The following DNAI7 variants were observed in gnomAD, a reference collection of about 807,000 sequenced individuals.
DNAI7 encodes cancer susceptibility 1.
DNAI7 carries 78 observed loss-of-function variants against 86.6 expected under a neutral mutation model. The observed-to-expected ratio is 0.90, with a 90% CI of 0.75 to 1.09. DNAI7 has a LOEUF of 1.09. Among genes scored for constraint, DNAI7 ranks in the 50% least tolerant of loss-of-function variants. DNAI7 has a pLI of 0.00. For synonymous variants in DNAI7, 274 were observed against 273.0 expected, an observed-to-expected ratio of 1.00 and a Z score of -0.04; for missense variants, 753 against 810.2, an observed-to-expected ratio of 0.93 and a Z score of 0.86.
At chr12:25,111,970 T>G in intron 13 of DNAI7, 31 bp from the exon 14 acceptor site, 2 of 1,464,640 alleles carry the variant, frequency 1.4e-6, no homozygotes, top group Non-Finnish European at 1.9e-6. Context: ...GAAGCTTTTA[T>G]GTAAGTTAAA....
In DNAI7 at chr12:25,191,786, A is replaced by G. The variant is rs1950544263; in HGVS notation, c.4-1155T>C. ...CAGCAATGTGTTTTAAGGCAGATCT[A>G]TTCTTTTCTGGAAATTATTTTGGAA... On this transcript the variant is annotated intron_variant, in intron 1 of 15. Coordinates refer to ENST00000395987, the MANE Select transcript of DNAI7 (RefSeq NM_018272.5). Among the ~76,000 whole-genome samples the G allele has an allele frequency of 2.6e-5, 4 of 152,222 alleles. No homozygotes were observed. The South Asian group carries it at 8.3e-4, about 31-fold the overall frequency.
At chr12:25,144,956 A>G (rs1464848637) in intron 8 of DNAI7, among the ~76,000 whole-genome samples, 3 of 152,076 alleles carry the variant, frequency 2.0e-5, no homozygotes, top group African/African-American at 4.8e-5. Context: ...CAATGTTGAT[A>G]TTACTCAGTG....
chr12:25,172,142 G>A (rs540775192), intron 2 of DNAI7, among the ~76,000 whole-genome samples: 1 of 152,000 alleles, frequency 6.6e-6, no homozygotes, highest in Non-Finnish European at 1.5e-5. Flanking sequence ...AGAAATAAAG[G>A]GCATCCAAAT....
At chr12:25,130,793 A>T (rs1204676311) in intron 9 of DNAI7, among the ~76,000 whole-genome samples, 1 of 152,118 alleles carries the variant, frequency 6.6e-6, no homozygotes, top group African/African-American at 2.4e-5. Context: ...AGTTTGCATG[A>T]TATAGTAATT....
chr12:25,188,418 G>A (rs76173563), intron 2 of DNAI7, among the ~76,000 whole-genome samples: 1 of 152,012 alleles, frequency 6.6e-6, no homozygotes, highest in Non-Finnish European at 1.5e-5. Flanking sequence ...TTTTAATTTT[G>A]TACCATGTGT....
intron 2 of DNAI7, among the ~76,000 whole-genome samples, chr12:25,163,377 C>G (rs1050089141): frequency 5.3e-5 from 8 of 152,292 alleles, no homozygotes; most frequent in African/African-American, 1.9e-4. Flanking sequence ...AATTCCTTCT[C>G]CTGGCTCATC....
chr12:25,193,304 G>T (rs963067801), intron 1 of DNAI7, among the ~76,000 whole-genome samples: 1 of 152,116 alleles, frequency 6.6e-6, no homozygotes, highest in East Asian at 1.9e-4. Context: ...AATATGATTT[G>T]TGTCCTTATA....
At chr12:25,143,983 C>A (rs895732028) in intron 9 of DNAI7, among the ~76,000 whole-genome samples, 1 of 152,024 alleles carries the variant, frequency 6.6e-6, no homozygotes, top group Admixed American at 6.5e-5. Flanking sequence ...TTATTTCTTA[C>A]AAAACCAAAA....
intron 9 of DNAI7, among the ~76,000 whole-genome samples, chr12:25,141,587 T>C (rs1212171762): frequency 3.9e-5 from 6 of 152,184 alleles, no homozygotes; most frequent in Admixed American, 1.3e-4. Context: ...TCCCAGCACT[T>C]TGGGAGGCCA....
At chr12:25,158,378 C>A in intron 4 of DNAI7, 94 bp downstream of exon 4, 1 of 925,754 alleles carries the variant, frequency 1.1e-6, no homozygotes, top group Non-Finnish European at 1.7e-6. Context: ...CTAAATATTA[C>A]TGGTAGCTAT....
chr12:25,115,795 C>T (rs897573541), intron 12 of DNAI7, among the ~76,000 whole-genome samples: 1 of 152,154 alleles, frequency 6.6e-6, no homozygotes, highest in Non-Finnish European at 1.5e-5. Context: ...AGCACTCAAC[C>T]CAGCAATTCC....
chr12:25,108,287 T>C (rs1035293156), downstream of DNAI7: 6 of 559,806 alleles, frequency 1.1e-5, no homozygotes, highest in African/African-American at 7.5e-5. Context: ...AGAAATATTA[T>C]ATATTGTTTG....
intron 9 of DNAI7, among the ~76,000 whole-genome samples, chr12:25,126,135 G>A (rs1362764617): frequency 6.6e-6 from 1 of 152,162 alleles, no homozygotes; most frequent in African/African-American, 2.4e-5. Flanking sequence ...TAATGTGAGT[G>A]AAAGTGAAAG....
intron 2 of DNAI7, among the ~76,000 whole-genome samples, chr12:25,187,452 T>C (rs780428234): frequency 5.9e-5 from 9 of 152,196 alleles, no homozygotes; most frequent in Admixed American, 2.6e-4. Context: ...AATTATATTA[T>C]TTATATTCCT....
chr12:25,120,001 C>T (rs1426461083), intron 11 of DNAI7, among the ~76,000 whole-genome samples: 4 of 152,064 alleles, frequency 2.6e-5, no homozygotes, highest in Non-Finnish European at 5.9e-5. Context: ...TGAAGGAGGA[C>T]TCTTTGGGTT....
chr12:25,164,504 C>G (rs936059987), intron 2 of DNAI7, among the ~76,000 whole-genome samples: 7 of 152,178 alleles, frequency 4.6e-5, no homozygotes, highest in Non-Finnish European at 8.8e-5. Flanking sequence ...AATGCCTTTT[C>G]TTCTGCAATC....
At chr12:25,135,623 T>C (rs542848493) in intron 9 of DNAI7, among the ~76,000 whole-genome samples, 3 of 152,272 alleles carry the variant, frequency 2.0e-5, no homozygotes, top group South Asian at 4.1e-4. Flanking sequence ...ATCTCAGCCC[T>C]ACTCACTGGT....
At chr12:25,149,517 T>C (rs1945248545) in intron 7 of DNAI7, 111 bp downstream of exon 7, 2 of 748,840 alleles carry the variant, frequency 2.7e-6, no homozygotes, top group Non-Finnish European at 4.4e-6. Flanking sequence ...ATTATTCTGC[T>C]AACTTTTCCA....
At position 25,161,076 on chromosome 12, in the gene DNAI7, C is replaced by T. The variant is rs149240314; in HGVS notation, c.106+37G>A. 7,957 of 1,464,220 alleles carry T rather than the reference C, an allele frequency of 5.4e-3. 57 individuals carry two copies. The highest frequency in any genetic ancestry group is 5.9e-3 in the Middle Eastern group (34 of 5,798). 90.7% of individuals were successfully genotyped at this position (1,464,220 alleles called of 1,614,324 possible). A position where few individuals can be genotyped will look rare whatever the true frequency, so the allele number is the denominator to read the frequency against. ...AAAGACCAACCTATCGTGACTATTA[C>T]CTGTATAGGTAAATAGTATCACTAT... On this transcript the variant is annotated intron_variant, in intron 3 of 15. Transcript: ENST00000395987.
Sources: allele counts gnomAD v4.1 joint callset (sites outside exome capture counted in the v4.1 genomes callset), GRCh38; gene constraint gnomAD v4.1.1; transcripts MANE v1.5; gene names NCBI Gene and HGNC (gene_info 2026-07-23, HGNC 2026-07-21).